CASD1: variants seen among roughly 807,000 people sequenced by gnomAD.
CASD1 encodes N-acetylneuraminate (7)9-O-acetyltransferase.
CASD1 carries 41 observed loss-of-function variants against 100.0 expected under a neutral mutation model. The observed-to-expected ratio is 0.41, with a 90% CI of 0.32 to 0.53. The LOEUF (loss-of-function observed/expected upper bound fraction) is 0.53, where lower values mean the gene tolerates loss of function less well. Among genes scored for constraint, CASD1 ranks in the 20% least tolerant of loss-of-function variants. The pLI, the probability that CASD1 is intolerant of heterozygous loss-of-function variation, is 0.25. For missense variants in CASD1, 774 were observed against 948.7 expected (o/e 0.82, Z 2.42); for synonymous variants, 321 against 315.6 (o/e 1.02, Z -0.18).
chr7:94,552,435 C>T lies in CASD1; in HGVS notation c.2034+8C>T, dbSNP rs1187505003. 1 of 1,580,116 alleles carries T rather than the reference C, an allele frequency of 6.3e-7. No individual in the cohort carries two copies. On this transcript the variant is annotated splice_region_variant and intron_variant, in intron 16 of 17. Transcript: ENST00000297273. ...TCTGTTTCTGTGGTACAGGTACTAT[C>T]TTGATTTAGAGAAATTTCTACATCT...
chr7:94,567,678 T>G, the CASD1 span, among the ~76,000 whole-genome samples: 3 of 152,208 alleles, frequency 2.0e-5, no homozygotes, highest in Non-Finnish European at 4.4e-5. Context: ...CCTGCTAGCT[T>G]CTTTTTTCAA....
In CASD1 at chr7:94,537,568, A is replaced by C; in HGVS notation, c.940A>C (p.Lys314Gln). 1 of 1,613,938 alleles carries C rather than the reference A, an allele frequency of 6.2e-7. No individual in the cohort carries two copies. The highest frequency in any genetic ancestry group is 8.5e-7 in the Non-Finnish European group (1 of 1,179,876). The stretch of plus-strand genomic sequence containing the variant: ...TCGGCCTCCTGTTACTCTCATACAG[A>C]AGCTAGCTGCTTGTTTTTTCACTTT... ...QPRPPVTLIQKLAACFFTLSI... is the reference protein window; with the variant it reads ...QPRPPVTLIQQLAACFFTLSI... The change falls in exon 9 of 18, where the codon AAG becomes CAG. Residue 314 changes from lysine (K) to glutamine (Q), a missense_variant. Physicochemically the swap from Lys to Gln is moderately conservative, Grantham distance 53. Around this residue, in one of 5 missense-constraint regions of CASD1, gnomAD observed 453 missense variants for 532.6 expected, o/e 0.85. Coordinates refer to ENST00000297273, the MANE Select transcript of CASD1 (RefSeq NM_022900.5).
the CASD1 span, among the ~76,000 whole-genome samples, chr7:94,604,295 G>GA: frequency 1.3e-5 from 2 of 151,752 alleles, no homozygotes; most frequent in African/African-American, 2.4e-5. Context: ...ACAATGCTAG[G>GA]AAAAAAATGA....
In CASD1 at chr7:94,555,965, A is replaced by G. The variant is rs1021006565; in HGVS notation, c.*207A>G. 28 of 523,288 alleles carry G rather than the reference A, an allele frequency of 5.4e-5. No individual in the cohort carries two copies. Among genetic ancestry groups the G allele is most frequent in the African/African-American group, 5.2e-4 (27 of 52,314 alleles). The allele number at this position is 523,288 out of a possible 1,614,324, so 32.4% of individuals were successfully genotyped here. ...ATGAAATACTAAAACAAACAAACAAACAAAAAACCAGAATGCATTGTATAG... is the reference window on the plus strand; with the variant it reads ...ATGAAATACTAAAACAAACAAACAAGCAAAAAACCAGAATGCATTGTATAG... On this transcript the variant is annotated 3_prime_UTR_variant, in exon 18 of 18. Transcript: ENST00000297273.
chr7:94,528,049 A>G, intron 4 of CASD1, 139 bp from the exon 5 acceptor site: 1 of 631,814 alleles, frequency 1.6e-6, no homozygotes. Context: ...TTGCCAAATT[A>G]AGATAGGAAT....
chr7:94,603,191 C>T, the CASD1 span: 1 of 919,140 alleles, frequency 1.1e-6, no homozygotes, highest in African/African-American at 1.7e-5. Context: ...TTAAAGTAAA[C>T]CTAGGATTTA....
chr7:94,525,783 G>A (rs1794534702), intron 3 of CASD1, among the ~76,000 whole-genome samples: 1 of 152,110 alleles, frequency 6.6e-6, no homozygotes. Context: ...TGTTTTAGAA[G>A]CACCAACAAG....
chr7:94,621,673 T>TGTA, the CASD1 span: 1 of 152,238 alleles, frequency 6.6e-6, no homozygotes, highest in Non-Finnish European at 1.5e-5. Context: ...CCAAGGCCAC[T>TGTA]GTAGTATAAC....
the CASD1 span, chr7:94,616,770 C>T: frequency 6.6e-6 from 1 of 151,882 alleles, no homozygotes; most frequent in Non-Finnish European, 1.5e-5. Context: ...CGAATTATAA[C>T]TCAAGTAAGA....
At chr7:94,534,450 T>C (rs1401291623) in intron 7 of CASD1, among the ~76,000 whole-genome samples, 2 of 152,200 alleles carry the variant, frequency 1.3e-5, no homozygotes, top group African/African-American at 2.4e-5. Flanking sequence ...GAAGTAAATA[T>C]ACTTTTTTAG....
At chr7:94,628,909 T>C in the CASD1 span, 4 of 156,080 alleles carry the variant, frequency 2.6e-5, no homozygotes, top group Admixed American at 1.9e-4. Context: ...TATTAGCACA[T>C]CCTGGCCCTG....
In CASD1 at chr7:94,538,901, TA is replaced by T. The variant is rs1245954632; in HGVS notation, c.1267-65del. 2.2e-4 allele frequency: 178 copies of T among 793,798 alleles called. 1 individual carries two copies. The Admixed American group carries it at 4.3e-3, about 19-fold the overall frequency. The allele number at this position is 793,798 out of a possible 1,614,324, so 49.2% of individuals were successfully genotyped here. ...CCTATAAGAAAACTTTTAACATACT[TA>T]TTATATGCCGTTAAATAATTTCTTC... On this transcript the variant is annotated intron_variant, in intron 9 of 17. Transcript: ENST00000297273.
the CASD1 span, among the ~76,000 whole-genome samples, chr7:94,566,218 A>T: frequency 6.6e-6 from 1 of 152,200 alleles, no homozygotes; most frequent in Non-Finnish European, 1.5e-5. Context: ...CTTCATCAAA[A>T]CACCAGAAAT....
the CASD1 span, among the ~76,000 whole-genome samples, chr7:94,631,399 TCAC>T: frequency 6.6e-6 from 1 of 151,936 alleles, no homozygotes; most frequent in Non-Finnish European, 1.5e-5. Flanking sequence ...TTCCAGGAGT[TCAC>T]CATCTGGTAT....
the CASD1 span, among the ~76,000 whole-genome samples, chr7:94,582,934 A>G: frequency 2.6e-5 from 4 of 152,218 alleles, no homozygotes; most frequent in Non-Finnish European, 5.9e-5. Context: ...AGCAAATGGT[A>G]GAGGTGTTTC....
At chr7:94,540,617 A>G (rs1240539063) in intron 10 of CASD1, among the ~76,000 whole-genome samples, 1 of 152,152 alleles carries the variant, frequency 6.6e-6, no homozygotes, top group Non-Finnish European at 1.5e-5. Context: ...AAGCTAGTGA[A>G]TTTGAGTCAT....
At chr7:94,598,558 T>C in the CASD1 span, 1 of 569,596 alleles carries the variant, frequency 1.8e-6, no homozygotes, top group Non-Finnish European at 3.1e-6. Flanking sequence ...GTATATGTAG[T>C]CTTGTTTGGA....
the CASD1 span, among the ~76,000 whole-genome samples, chr7:94,610,432 T>TG: frequency 1.3e-3 from 202 of 152,282 alleles, no homozygotes; most frequent in African/African-American, 4.5e-3. Context: ...ATGTTGATAA[T>TG]GGGGGAGGCG....
At chr7:94,579,555 T>C in the CASD1 span, among the ~76,000 whole-genome samples, 530 of 152,338 alleles carry the variant, frequency 3.5e-3, 4 homozygotes, top group African/African-American at 0.012. Flanking sequence ...TTTAATTTTG[T>C]GAAATGTCAA....
Sources: allele counts gnomAD v4.1 joint callset (sites outside exome capture counted in the v4.1 genomes callset), GRCh38; gene constraint gnomAD v4.1.1; regional missense constraint gnomAD v4.1.1; transcripts MANE v1.5; gene names NCBI Gene and HGNC (gene_info 2026-07-23, HGNC 2026-07-21).